The following CHL1 variants were observed in gnomAD, a reference collection of about 807,000 sequenced individuals.
CHL1 encodes the protein neural cell adhesion molecule L1-like protein.
CHL1 carries 96 observed loss-of-function variants against 141.9 expected under a neutral mutation model. That is an observed-to-expected ratio of 0.68 (90% confidence interval 0.57 to 0.80). CHL1 has a LOEUF of 0.80. CHL1 is among the 30% of genes least tolerant of loss of function. The pLI is 0.00. For synonymous variants in CHL1, 613 were observed against 502.2 expected, an observed-to-expected ratio of 1.22 and a Z score of -2.95; for missense variants, 1,820 against 1,457.2, an observed-to-expected ratio of 1.25 and a Z score of -4.05.
At chr3:295,353 A>T (rs796910683) in intron 2 of CHL1, among the ~76,000 whole-genome samples, 7 of 152,354 alleles carry the variant, frequency 4.6e-5, no homozygotes, top group African/African-American at 1.7e-4. Flanking sequence ...CCACAGAAGA[A>T]GCAGCTGCTT....
At chr3:375,430 T>C (rs573046796) in intron 15 of CHL1, among the ~76,000 whole-genome samples, 1 of 151,876 alleles carries the variant, frequency 6.6e-6, no homozygotes, top group African/African-American at 2.4e-5. Context: ...GAGCTGCTTT[T>C]TTCCCCCTCC....
intron 9 of CHL1, among the ~76,000 whole-genome samples, chr3:348,923 A>C (rs932884482): frequency 2.6e-5 from 4 of 152,204 alleles, no homozygotes; most frequent in African/African-American, 7.2e-5. Context: ...GCTGACTGTT[A>C]AGTCCCACTT....
At chr3:279,249 A>G (rs565977195) in intron 2 of CHL1, among the ~76,000 whole-genome samples, 26 of 152,308 alleles carry the variant, frequency 1.7e-4, no homozygotes, top group African/African-American at 6.3e-4. Context: ...CTCAATAGAG[A>G]AAGTATCCGG....
chr3:321,409 G>A (rs1052210559), intron 3 of CHL1, among the ~76,000 whole-genome samples: 5 of 151,992 alleles, frequency 3.3e-5, no homozygotes, highest in African/African-American at 4.8e-5. Flanking sequence ...AATTCTGGTC[G>A]GGAGTCTAAA....
chr3:245,196 T>C (rs980834563), intron 2 of CHL1, among the ~76,000 whole-genome samples: 3 of 152,108 alleles, frequency 2.0e-5, no homozygotes, highest in Admixed American at 6.6e-5. Context: ...GAATCCTTGA[T>C]TGGAGTTTTT....
chr3:331,167 A>G lies in CHL1; in HGVS notation c.385+2813A>G, dbSNP rs190257720. On this transcript the variant is annotated intron_variant, in intron 5 of 27. Coordinates refer to ENST00000256509, the MANE Select transcript of CHL1 (RefSeq NM_006614.4). ...CGTTTATCACCAGGGTCATTAATAC[A>G]GAGAAAGATTTCTTTTCCTTTCTTT... Among the ~76,000 whole-genome samples the G allele has an allele frequency of 3.1e-3, 475 of 152,158 alleles. 2 individuals carry two copies. The highest frequency in any genetic ancestry group is 0.011 in the African/African-American group (443 of 41,536).
intron 2 of CHL1, among the ~76,000 whole-genome samples, chr3:256,907 G>A (rs1694228863): frequency 6.6e-6 from 1 of 152,194 alleles, no homozygotes; most frequent in Non-Finnish European, 1.5e-5. Flanking sequence ...CTGCTTAGGA[G>A]CAAAGACACG....
At position 390,658 on chromosome 3, in the gene CHL1, T is replaced by C. The variant is rs750557932; in HGVS notation, c.2471-43T>C. ...TTTGAAAAGGATCCTAACAATCACA[T>C]TTGCAGGTTATTGAAAACTAATCAA... On this transcript the variant is annotated intron_variant, in intron 20 of 27. Coordinates refer to ENST00000256509, the MANE Select transcript of CHL1 (RefSeq NM_006614.4). 4 of 1,137,788 alleles carry C rather than the reference T, an allele frequency of 3.5e-6. No individual in the cohort carries two copies. The Admixed American group carries it at 7.0e-5, about 20-fold the overall frequency. The allele number at this position is 1,137,788 out of a possible 1,614,324, so 70.5% of individuals were successfully genotyped here.
At chr3:378,847 C>A (rs544243391) in intron 16 of CHL1, among the ~76,000 whole-genome samples, 2 of 152,298 alleles carry the variant, frequency 1.3e-5, no homozygotes, top group African/African-American at 2.4e-5. Context: ...CACACCCAAC[C>A]TACTGAACAT....
intron 5 of CHL1, among the ~76,000 whole-genome samples, chr3:338,159 A>G (rs960379289): frequency 6.6e-6 from 1 of 152,118 alleles, no homozygotes; most frequent in East Asian, 1.9e-4. Context: ...GCTTAGCTAG[A>G]CTGTTATGTG....
rs971835460 is a variant in CHL1 at position 368,368 on chromosome 3, A to C, written c.1751+2253A>C. ...GATCGGTCATGTTGAGCTTTTTTTC[A>C]TATGTTTGTTGGCCATGTAAATGTC... On this transcript the variant is annotated intron_variant, in intron 15 of 27. Transcript: ENST00000256509. 3.3e-5 allele frequency among the ~76,000 whole-genome samples: 5 copies of C among 151,828 alleles called. No homozygotes were observed. The East Asian group carries it at 9.7e-4, about 29-fold the overall frequency.
chr3:266,792 A>G (rs546981963), intron 2 of CHL1, among the ~76,000 whole-genome samples: 11 of 152,370 alleles, frequency 7.2e-5, no homozygotes, highest in Middle Eastern at 3.4e-3. Flanking sequence ...GCAAGGCAGC[A>G]CTTCCAATGT....
At chr3:274,040 T>A (rs1408833185) in intron 2 of CHL1, among the ~76,000 whole-genome samples, 1 of 152,188 alleles carries the variant, frequency 6.6e-6, no homozygotes, top group South Asian at 2.1e-4. Context: ...ACCAAATCCC[T>A]TCTCACTTCA....
intron 5 of CHL1, among the ~76,000 whole-genome samples, chr3:335,633 A>G (rs942494042): frequency 1.3e-5 from 2 of 152,222 alleles, no homozygotes; most frequent in Non-Finnish European, 2.9e-5. Context: ...GTCAAAATAG[A>G]TAAAGCTTTT....
intron 1 of CHL1, among the ~76,000 whole-genome samples, chr3:212,531 C>A (rs916538871): frequency 6.6e-6 from 1 of 152,136 alleles, no homozygotes; most frequent in Non-Finnish European, 1.5e-5. Context: ...AACAGTCACT[C>A]TTCTCCACTA....
chr3:274,881 T>C (rs1049919085), intron 2 of CHL1, among the ~76,000 whole-genome samples: 4 of 152,250 alleles, frequency 2.6e-5, no homozygotes, highest in African/African-American at 7.2e-5. Flanking sequence ...TTTCTGTATA[T>C]ACTACTGTGA....
intron 15 of CHL1, among the ~76,000 whole-genome samples, chr3:372,234 C>T (rs1460032444): frequency 6.6e-6 from 1 of 152,180 alleles, no homozygotes; most frequent in Non-Finnish European, 1.5e-5. Flanking sequence ...CCATCTCCTT[C>T]AGGTACTCCA....
At chr3:225,625 T>C (rs764870465) in intron 1 of CHL1, among the ~76,000 whole-genome samples, 1 of 152,120 alleles carries the variant, frequency 6.6e-6, no homozygotes, top group African/African-American at 2.4e-5. Context: ...CACACACTTA[T>C]AGTCACACAC....
chr3:284,267 T>G (rs1004580852), intron 2 of CHL1, among the ~76,000 whole-genome samples: 4 of 152,172 alleles, frequency 2.6e-5, no homozygotes, highest in African/African-American at 9.7e-5. Flanking sequence ...AGGTGACATT[T>G]AAGGTGAGAA....
Sources: gnomAD v4.1 joint callset for allele counts (sites outside exome capture counted in the v4.1 genomes callset) on GRCh38, gnomAD v4.1.1 for gene constraint, MANE v1.5 for transcripts, NCBI Gene and HGNC (gene_info 2026-07-23, HGNC 2026-07-21) for gene names.